Variants in MPHOSPH9 observed in about 807,000 individuals in gnomAD.
MPHOSPH9 encodes M-phase phosphoprotein 9.
In MPHOSPH9, 88 loss-of-function variants were observed where a neutral mutation model predicts 145.5. That is an observed-to-expected ratio of 0.60 (90% CI 0.51 to 0.72). The LOEUF (loss-of-function observed/expected upper bound fraction) is 0.72, where lower values mean the gene tolerates loss of function less well. MPHOSPH9 is among the 30% of genes least tolerant of loss of function. The pLI is 0.00. For synonymous variants in MPHOSPH9, 435 were observed against 486.2 expected, an observed-to-expected ratio of 0.89 and a Z score of 1.39; for missense variants, 1,238 against 1,386.6, an observed-to-expected ratio of 0.89 and a Z score of 1.70.
chr12:123,198,475 G>T, intron 11 of MPHOSPH9, 141 bp from the exon 12 acceptor site: 2 of 692,854 alleles, frequency 2.9e-6, no homozygotes, highest in Non-Finnish European at 4.8e-6. Flanking sequence ...CATTTTAATA[G>T]AATATAGCCC....
At chr12:123,209,325 A>G (rs1413466200) in intron 8 of MPHOSPH9, among the ~76,000 whole-genome samples, 1 of 152,230 alleles carries the variant, frequency 6.6e-6, no homozygotes, top group Non-Finnish European at 1.5e-5. Flanking sequence ...TCTAAAGCCC[A>G]TGCTTTTTCC....
intron 12 of MPHOSPH9, 58 bp from the exon 13 acceptor site, chr12:123,194,659 T>C: frequency 1.6e-6 from 2 of 1,271,006 alleles, no homozygotes; most frequent in Non-Finnish European, 2.1e-6. Context: ...TCTCGCTCTG[T>C]TGCCCAAGCT....
At chr12:123,240,673 A>T (rs1173064158) in intron 1 of MPHOSPH9, 3 of 149,304 alleles carry the variant, frequency 2.0e-5, no homozygotes, top group Non-Finnish European at 3.0e-5. Flanking sequence ...AGGTCCAGAG[A>T]TTGACATCTC....
chr12:123,200,235 GA>G (rs34504888), intron 11 of MPHOSPH9, among the ~76,000 whole-genome samples: 97,553 of 151,822 alleles, frequency 0.64, 35,803 homozygotes, highest in East Asian at 1. Context: ...TATCTTGGGG[GA>G]AATCATTTCT....
intron 1 of MPHOSPH9, among the ~76,000 whole-genome samples, chr12:123,242,518 T>C (rs1593276717): frequency 6.6e-6 from 1 of 152,214 alleles, no homozygotes; most frequent in African/African-American, 2.4e-5. Context: ...ATGGGTGTGT[T>C]TGTCATTTTT....
upstream of MPHOSPH9, among the ~76,000 whole-genome samples, chr12:123,235,306 C>G (rs1324388923): frequency 6.6e-6 from 1 of 152,116 alleles, no homozygotes; most frequent in African/African-American, 2.4e-5. Context: ...CTGTTGGCCA[C>G]AGAGCTCGCA....
At chr12:123,160,587 T>A in intron 23 of MPHOSPH9, 194 bp downstream of exon 23, 1 of 538,416 alleles carries the variant, frequency 1.9e-6, no homozygotes, top group Non-Finnish European at 3.3e-6. Context: ...GTAAAATCAA[T>A]TTTTATTCCT....
intron 20 of MPHOSPH9, chr12:123,162,423 A>G: frequency 2.9e-6 from 1 of 346,202 alleles, no homozygotes; most frequent in East Asian, 4.6e-5. Context: ...TAAAACACTT[A>G]CCCATACATT....
intron 13 of MPHOSPH9, 99 bp from the exon 14 acceptor site, chr12:123,181,309 T>C (rs959738245): frequency 8.3e-6 from 8 of 959,740 alleles, no homozygotes; most frequent in Non-Finnish European, 1.3e-5. Context: ...CCTTCAAAAA[T>C]GCCAATGTCA....
chr12:123,179,027 G>A lies in MPHOSPH9; in HGVS notation c.2354+899C>T, dbSNP rs559850917. Among the ~76,000 whole-genome samples, 4 of 152,318 alleles carry A rather than the reference G, an allele frequency of 2.6e-5. No individual in the cohort carries two copies. In the South Asian group the frequency reaches 8.3e-4, roughly 32 times the overall value. ...AGGCTGCTTCTTAAAGTTCTTGCCA[G>A]TGGTTAAATATCATTTGGATTTTAA... On this transcript the variant is annotated intron_variant, in intron 15 of 23. Coordinates refer to ENST00000606320, the MANE Select transcript of MPHOSPH9 (RefSeq NM_022782.4).
At chr12:123,185,378 AG>A (rs1565922794) in intron 13 of MPHOSPH9, among the ~76,000 whole-genome samples, 1 of 152,136 alleles carries the variant, frequency 6.6e-6, no homozygotes, top group Non-Finnish European at 1.5e-5. Flanking sequence ...AAGGATAAAA[AG>A]ATGATCCTAA....
chr12:123,240,935 A>C (rs543070484), intron 1 of MPHOSPH9, among the ~76,000 whole-genome samples: 1 of 151,972 alleles, frequency 6.6e-6, no homozygotes, highest in South Asian at 2.1e-4. Flanking sequence ...ACTGGTCTTG[A>C]ACTCCTGACC....
At position 123,223,115 on chromosome 12, in the gene MPHOSPH9, GT is replaced by G; in HGVS notation, c.270del (p.Leu90PhefsTer15). ...TGTTTTTCCACCAAATTGAATAGCT[GT>G]AACCACCTGGTCTATTAAATTATAA... ...ELWKNCETRW[L>X]QLFNLVEKQC... On this transcript the variant is annotated frameshift_variant, in exon 4 of 24. Coordinates refer to ENST00000606320, the MANE Select transcript of MPHOSPH9 (RefSeq NM_022782.4). LOFTEE classifies it high-confidence loss of function. The G allele has an allele frequency of 7.0e-7, 1 of 1,435,832 alleles. No homozygotes were observed. Among genetic ancestry groups the G allele is most frequent in the Non-Finnish European group, 9.1e-7 (1 of 1,103,108 alleles). The allele number at this position is 1,435,832 out of a possible 1,614,324, so 88.9% of individuals were successfully genotyped here. A position where few individuals can be genotyped will look rare whatever the true frequency, so the allele number is the denominator to read the frequency against.
intron 13 of MPHOSPH9, among the ~76,000 whole-genome samples, chr12:123,189,079 G>C (rs1233823000): frequency 6.6e-6 from 1 of 152,102 alleles, no homozygotes; most frequent in Non-Finnish European, 1.5e-5. Context: ...CAGTTTCCAA[G>C]GCAAGGTCAT....
At chr12:123,163,356 T>C in intron 19 of MPHOSPH9, 1 of 438,202 alleles carries the variant, frequency 2.3e-6, no homozygotes, top group Non-Finnish European at 3.9e-6. Context: ...CTTTCAGCAC[T>C]CTGACTCAAA....
At chr12:123,204,155 A>G (rs1403783476) in intron 8 of MPHOSPH9, among the ~76,000 whole-genome samples, 1 of 152,088 alleles carries the variant, frequency 6.6e-6, no homozygotes, top group Non-Finnish European at 1.5e-5. Flanking sequence ...ATACAAAATT[A>G]GCCAGGCATG....
intron 17 of MPHOSPH9, chr12:123,166,366 A>G: frequency 5.6e-6 from 2 of 358,868 alleles, no homozygotes; most frequent in Non-Finnish European, 1.0e-5. Flanking sequence ...TTGGCCTCCC[A>G]AAGTGTTGGG....
intron 5 of MPHOSPH9, 64 bp from the exon 6 acceptor site, chr12:123,218,563 T>C: frequency 6.6e-7 from 1 of 1,518,644 alleles, no homozygotes; most frequent in Non-Finnish European, 9.0e-7. Flanking sequence ...TCTTGCTGTG[T>C]CGCCCAGGCT....
upstream of MPHOSPH9, among the ~76,000 whole-genome samples, chr12:123,235,799 C>T (rs1280579583): frequency 6.6e-6 from 1 of 151,778 alleles, no homozygotes; most frequent in African/African-American, 2.4e-5. Flanking sequence ...CGTGGTGGCT[C>T]ATGCCTGTAC....
Sources: allele counts gnomAD v4.1 joint callset (sites outside exome capture counted in the v4.1 genomes callset), GRCh38; gene constraint gnomAD v4.1.1; transcripts MANE v1.5; gene names NCBI Gene and HGNC (gene_info 2026-07-23, HGNC 2026-07-21).